SDHA: variants seen among roughly 807,000 people sequenced by gnomAD.
SDHA encodes the protein succinate dehydrogenase complex flavoprotein subunit A, also known as succinate dehydrogenase [ubiquinone] flavoprotein subunit, mitochondrial.
Under a neutral mutation model 78.4 loss-of-function variants are expected in SDHA, and 48 were observed. That is an observed-to-expected ratio of 0.61 (90% CI 0.49 to 0.78). The LOEUF is 0.78. SDHA is among the 30% of genes least tolerant of loss of function. The pLI is 0.00. For missense variants in SDHA, 680 were observed against 892.7 expected (o/e 0.76, Z 3.04); for synonymous variants, 326 against 353.9 (o/e 0.92, Z 0.88).
chr5:251,818 T>A (rs1273722515), intron 13 of SDHA: 5 of 1,179,948 alleles, frequency 4.2e-6, no homozygotes, highest in East Asian at 1.1e-4. Context: ...AAGCCTGCCC[T>A]GTGGAGGAAA....
At chr5:221,391 A>G (rs1734706072) in intron 1 of SDHA, among the ~76,000 whole-genome samples, 1 of 152,152 alleles carries the variant, frequency 6.6e-6, no homozygotes, top group Admixed American at 6.5e-5. Context: ...TTCCTGATAC[A>G]GTCGTGCGTT....
At chr5:262,357 C>T in the SDHA span, among the ~76,000 whole-genome samples, 73 of 147,220 alleles carry the variant, frequency 5.0e-4, 2 homozygotes, top group East Asian at 4.7e-3. Flanking sequence ...CCCGGCAGAG[C>T]ATTACCGTGT....
intron 12 of SDHA, 66 bp from the exon 13 acceptor site, chr5:251,272 T>C: frequency 6.3e-7 from 1 of 1,577,576 alleles, no homozygotes; most frequent in East Asian, 2.3e-5. Context: ...AGGCCCAGGC[T>C]GACAGCTCGG....
rs575617625 is a variant in SDHA at position 225,551 on chromosome 5, G to A, written c.445G>A (p.Ala149Thr). The change falls in exon 4 of 15, where the codon GCC becomes ACC. Residue 149 changes from alanine to threonine, a missense_variant. Transcript: ENST00000264932. ...CTACATGACGGAGCAGGCCCCCGCC[G>A]CCGTGGTCGAGGTGATGGGCGGGAG... ...IHYMTEQAPAAVVELENYGMP... is the reference protein window; with the variant it reads ...IHYMTEQAPATVVELENYGMP... 1.2e-5 allele frequency: 20 copies of A among 1,613,930 alleles called. No individual in the cohort carries two copies. The highest frequency in any genetic ancestry group is 5.0e-5 in the Admixed American group (3 of 60,012).
At chr5:241,352 C>T (rs10056853) in intron 11 of SDHA, among the ~76,000 whole-genome samples, 36,310 of 151,748 alleles carry the variant, frequency 0.24, 6,722 homozygotes, top group African/African-American at 0.52. Context: ...GCCCGGATAT[C>T]GATCATGTCA....
In SDHA at chr5:218,334, C is replaced by T; in HGVS notation, c.-22C>T. 2 of 1,444,770 alleles carry T rather than the reference C, an allele frequency of 1.4e-6. No individual in the cohort carries two copies. Among genetic ancestry groups the T allele is most frequent in the South Asian group, 1.4e-5 (1 of 69,186 alleles). 89.5% of individuals were successfully genotyped at this position (1,444,770 alleles called of 1,614,324 possible). A position where few individuals can be genotyped will look rare whatever the true frequency, so the allele number is the denominator to read the frequency against. On this transcript the variant is annotated 5_prime_UTR_variant, in exon 1 of 15. Transcript: ENST00000264932. ...GCAGTCTGCGCAGGGACTGGCGGGA[C>T]TGCGCGGCGGCAACAGCAGACATGT... is the stretch of plus-strand genomic sequence containing the variant.
At chr5:231,139 C>T (rs1735373576) in intron 7 of SDHA, 139 bp downstream of exon 7, 1 of 1,042,206 alleles carries the variant, frequency 9.6e-7, no homozygotes, top group Non-Finnish European at 1.5e-6. Flanking sequence ...CAGGTCCTAA[C>T]TTCAACGTCA....
At chr5:265,967 G>A in the SDHA span, among the ~76,000 whole-genome samples, 4 of 142,032 alleles carry the variant, frequency 2.8e-5, no homozygotes, top group African/African-American at 1.1e-4. Flanking sequence ...TCAGTCCTGG[G>A]GGGACCCTAC....
At chr5:260,909 G>A (rs1307720375), downstream of SDHA, among the ~76,000 whole-genome samples, 1 of 9,504 alleles carries the variant, frequency 1.1e-4, no homozygotes, top group East Asian at 7.8e-4. Flanking sequence ...TCCGCCTCCC[G>A]CCAGAGCATT....
intron 1 of SDHA, among the ~76,000 whole-genome samples, chr5:222,246 C>G (rs891704695): frequency 1.3e-5 from 2 of 151,816 alleles, no homozygotes; most frequent in African/African-American, 4.8e-5. Flanking sequence ...TTTTATCCCA[C>G]ATAATAAGTA....
chr5:247,500 T>C (rs867170378), intron 11 of SDHA, among the ~76,000 whole-genome samples: 3 of 152,244 alleles, frequency 2.0e-5, no homozygotes, highest in African/African-American at 7.2e-5. Flanking sequence ...CAAACGCAGA[T>C]ACAGCAGTAC....
intron 2 of SDHA, 135 bp from the exon 3 acceptor site, chr5:224,224 GC>G: frequency 3.2e-6 from 3 of 928,520 alleles, no homozygotes. Flanking sequence ...TCAGGGCTCA[GC>G]CCCAGGACAG....
chr5:250,941 TA>T (rs1198109642), intron 11 of SDHA, 50 bp from the exon 12 acceptor site: 1 of 1,476,644 alleles, frequency 6.8e-7, no homozygotes, highest in Non-Finnish European at 9.5e-7. Flanking sequence ...CAGTTCTTGG[TA>T]TGGCTGCTTC....
At chr5:242,808 C>T (rs556277469) in intron 11 of SDHA, among the ~76,000 whole-genome samples, 59 of 152,252 alleles carry the variant, frequency 3.9e-4, no homozygotes, top group Admixed American at 1.8e-3. Context: ...CAATGGGACA[C>T]GTGTGGGCTC....
At position 228,480 on chromosome 5, in the gene SDHA, C is replaced by G. The variant is rs555193802; in HGVS notation, c.770+147C>G. On this transcript the variant is annotated intron_variant, in intron 6 of 14. Coordinates refer to ENST00000264932, the MANE Select transcript of SDHA (RefSeq NM_004168.4). ...AACCATGTGAGGGTGATGGCCTTTC[C>G]CAGCCGTGGTTCCTCACCTGTAAAG... 14 of 926,450 alleles carry G rather than the reference C, an allele frequency of 1.5e-5. No homozygotes were observed. In the African/African-American group the frequency reaches 2.3e-4, roughly 15 times the overall value. The allele number at this position is 926,450 out of a possible 1,614,324, so 57.4% of individuals were successfully genotyped here. A position where few individuals can be genotyped will look rare whatever the true frequency, so the allele number is the denominator to read the frequency against.
rs749033286 is a variant in SDHA, at chr5:256,467, T to G, written c.*47T>G. 4.3e-6 allele frequency: 6 copies of G among 1,394,416 alleles called. No individual in the cohort carries two copies. Among genetic ancestry groups the G allele is most frequent in the Non-Finnish European group, 6.1e-6 (6 of 980,706 alleles). The allele number at this position is 1,394,416 out of a possible 1,614,324, so 86.4% of individuals were successfully genotyped here. On this transcript the variant is annotated 3_prime_UTR_variant, in exon 15 of 15. Transcript: ENST00000264932. Reference sequence around the variant, plus strand: ...CAGAATCAGCTTTTGTAATTATGTATAATAGCTCATGCATGTGTCCATGTC... The same window carrying G: ...CAGAATCAGCTTTTGTAATTATGTAGAATAGCTCATGCATGTGTCCATGTC...
chr5:266,792 G>A, the SDHA span, among the ~76,000 whole-genome samples: 6 of 141,304 alleles, frequency 4.2e-5, no homozygotes, highest in South Asian at 2.1e-4. Context: ...TCAGACCCTC[G>A]CCGTCCCGTG....
intron 2 of SDHA, among the ~76,000 whole-genome samples, 175 bp from the exon 3 acceptor site, chr5:224,185 G>A (rs1324478192): frequency 6.6e-6 from 1 of 152,198 alleles, no homozygotes; most frequent in Non-Finnish European, 1.5e-5. Context: ...TTCTCCAGGT[G>A]CGAATGTGCC....
At chr5:251,659 T>C in intron 13 of SDHA, 191 bp downstream of exon 13, 1 of 1,520,468 alleles carries the variant, frequency 6.6e-7, no homozygotes, top group African/African-American at 1.4e-5. Context: ...ACCTTTTCCT[T>C]GCTTTGGGTC....
Sources: gnomAD v4.1 joint callset for allele counts (sites outside exome capture counted in the v4.1 genomes callset) on GRCh38, gnomAD v4.1.1 for gene constraint, MANE v1.5 for transcripts, NCBI Gene and HGNC (gene_info 2026-07-23, HGNC 2026-07-21) for gene names.